BRINP3: variants seen among roughly 807,000 people sequenced by gnomAD.
BRINP3 encodes the protein BMP/retinoic acid-inducible neural-specific protein 3.
BRINP3 carries 19 observed loss-of-function variants against 71.0 expected under a neutral mutation model. That is an observed-to-expected ratio of 0.27 (90% CI 0.19 to 0.39). The LOEUF is 0.39. Ranked by LOEUF, BRINP3 falls within the 10% of genes least tolerant of loss-of-function variation. The probability of loss-of-function intolerance (pLI) is 1.00; values close to 1 mark genes in which losing one functional copy is unlikely to be tolerated. For synonymous variants in BRINP3, 380 were observed against 337.7 expected (o/e 1.13, Z -1.37); for missense variants, 959 against 940.8 (o/e 1.02, Z -0.25).
At chr1:190,408,228 T>C (rs1219200036) in intron 2 of BRINP3, among the ~76,000 whole-genome samples, 1 of 151,096 alleles carries the variant, frequency 6.6e-6, no homozygotes, top group Non-Finnish European at 1.5e-5. Flanking sequence ...GTATTTTTAG[T>C]AGAGACGGGG....
chr1:190,257,075 A>T (rs2102842304), intron 4 of BRINP3, among the ~76,000 whole-genome samples: 1 of 152,328 alleles, frequency 6.6e-6, no homozygotes, highest in Non-Finnish European at 1.5e-5. Context: ...GATATCCTGA[A>T]GAGTGTTTTC....
intron 4 of BRINP3, among the ~76,000 whole-genome samples, chr1:190,262,386 G>A (rs368856184): frequency 3.3e-5 from 5 of 152,068 alleles, no homozygotes; most frequent in Admixed American, 6.6e-5. Context: ...ACCACCTCAC[G>A]CTTGCACTCC....
intron 4 of BRINP3, among the ~76,000 whole-genome samples, chr1:190,252,514 A>G (rs528800665): frequency 6.6e-6 from 1 of 152,212 alleles, no homozygotes; most frequent in South Asian, 2.1e-4. Context: ...AAACTTTTCA[A>G]AGCTGTTTCA....
chr1:190,364,159 C>T (rs1452406893), intron 2 of BRINP3, among the ~76,000 whole-genome samples: 1 of 151,938 alleles, frequency 6.6e-6, no homozygotes, highest in East Asian at 1.9e-4. Context: ...GGAAAGTAAT[C>T]CCCTTCCCAC....
intron 1 of BRINP3, among the ~76,000 whole-genome samples, chr1:190,459,785 A>C (rs1017550297): frequency 6.6e-6 from 1 of 152,090 alleles, no homozygotes; most frequent in Non-Finnish European, 1.5e-5. Context: ...CATTTCAGAA[A>C]ACCATTGTAT....
At chr1:190,211,243 G>C (rs1031758799) in intron 6 of BRINP3, among the ~76,000 whole-genome samples, 1 of 152,066 alleles carries the variant, frequency 6.6e-6, no homozygotes, top group African/African-American at 2.4e-5. Flanking sequence ...TCCATCCTGG[G>C]TGACAGAGCA....
intron 6 of BRINP3, among the ~76,000 whole-genome samples, chr1:190,214,362 G>A (rs1349868549): frequency 6.6e-6 from 1 of 152,070 alleles, no homozygotes; most frequent in Non-Finnish European, 1.5e-5. Flanking sequence ...CTCACTCATT[G>A]TGCTGGACTC....
intron 2 of BRINP3, among the ~76,000 whole-genome samples, chr1:190,291,974 A>C (rs1663903012): frequency 6.6e-6 from 1 of 152,160 alleles, no homozygotes; most frequent in African/African-American, 2.4e-5. Context: ...TAAAGAATGA[A>C]ATACTGTCAT....
intron 2 of BRINP3, among the ~76,000 whole-genome samples, chr1:190,440,481 T>C (rs757340744): frequency 4.6e-5 from 7 of 151,858 alleles, no homozygotes; most frequent in Non-Finnish European, 7.4e-5. Context: ...ATCCTACATA[T>C]CAACATTATC....
chr1:190,171,176 A>T (rs1475584693), intron 6 of BRINP3, among the ~76,000 whole-genome samples: 3 of 152,154 alleles, frequency 2.0e-5, no homozygotes, highest in Non-Finnish European at 4.4e-5. Flanking sequence ...GGTTGACGAG[A>T]TGCCACCCAT....
intron 6 of BRINP3, among the ~76,000 whole-genome samples, chr1:190,210,025 G>T (rs1655850637): frequency 6.6e-6 from 1 of 152,070 alleles, no homozygotes; most frequent in African/African-American, 2.4e-5. Context: ...ACACATGGAA[G>T]AAGTAATACA....
At chr1:190,210,990 T>A (rs1031393206) in intron 6 of BRINP3, among the ~76,000 whole-genome samples, 1 of 152,112 alleles carries the variant, frequency 6.6e-6, no homozygotes, top group African/African-American at 2.4e-5. Context: ...TTTTGGACTC[T>A]TGGATTTATA....
intron 6 of BRINP3, among the ~76,000 whole-genome samples, chr1:190,183,984 A>G (rs1653276575): frequency 6.6e-6 from 1 of 152,056 alleles, no homozygotes; most frequent in South Asian, 2.1e-4. Context: ...GAGAGAGCAG[A>G]CTTTTCTTTT....
intron 2 of BRINP3, among the ~76,000 whole-genome samples, chr1:190,445,450 T>G (rs1457686992): frequency 1.3e-5 from 2 of 152,146 alleles, no homozygotes; most frequent in African/African-American, 2.4e-5. Flanking sequence ...AAGGACATAA[T>G]GAATGTAATT....
intron 7 of BRINP3, among the ~76,000 whole-genome samples, chr1:190,121,710 A>T (rs921201937): frequency 1.3e-5 from 2 of 152,178 alleles, no homozygotes; most frequent in Non-Finnish European, 2.9e-5. Context: ...ATCATTTTAG[A>T]TACTATTGTG....
intron 5 of BRINP3, among the ~76,000 whole-genome samples, chr1:190,229,599 A>C (rs562205212): frequency 6.6e-6 from 1 of 150,784 alleles, no homozygotes; most frequent in African/African-American, 2.4e-5. Flanking sequence ...CTCAGGATTT[A>C]GTTACTAGAT....
At chr1:190,165,026 T>A (rs1651365308) in intron 6 of BRINP3, among the ~76,000 whole-genome samples, 1 of 152,078 alleles carries the variant, frequency 6.6e-6, no homozygotes. Flanking sequence ...ATATGGATAA[T>A]AAATTTATTA....
intron 3 of BRINP3, among the ~76,000 whole-genome samples, chr1:190,265,498 G>C (rs944101376): frequency 6.6e-6 from 1 of 150,622 alleles, no homozygotes; most frequent in Non-Finnish European, 1.5e-5. Context: ...GCAGGAGATC[G>C]AGACTATCCT....
chr1:190,378,198 C>G (rs1308965044), intron 2 of BRINP3, among the ~76,000 whole-genome samples: 2 of 152,156 alleles, frequency 1.3e-5, no homozygotes, highest in Non-Finnish European at 2.9e-5. Flanking sequence ...TAGACGTAAA[C>G]ATGTGATCCA....
Sources: gnomAD v4.1 joint callset for allele counts (sites outside exome capture counted in the v4.1 genomes callset) on GRCh38, gnomAD v4.1.1 for gene constraint, MANE v1.5 for transcripts, NCBI Gene and HGNC (gene_info 2026-07-23, HGNC 2026-07-21) for gene names.